Variants in DENND2B observed in about 807,000 individuals in gnomAD.
DENND2B encodes the protein DENN domain containing 2B.
Under a neutral mutation model 116.0 loss-of-function variants are expected in DENND2B, and 32 were observed. That is an observed-to-expected ratio of 0.28 (90% CI 0.21 to 0.37). The LOEUF (loss-of-function observed/expected upper bound fraction) is 0.37, where lower values mean the gene tolerates loss of function less well. Ranked by LOEUF, DENND2B falls within the 10% of genes least tolerant of loss-of-function variation. The probability of loss-of-function intolerance (pLI) is 1.00; values close to 1 mark genes in which losing one functional copy is unlikely to be tolerated. For missense variants in DENND2B, 1,276 were observed against 1,477.7 expected, an observed-to-expected ratio of 0.86 and a Z score of 2.24; for synonymous variants, 588 against 583.9, an observed-to-expected ratio of 1.01 and a Z score of -0.10.
At chr11:8,777,442 T>G (rs1043658350) in intron 1 of DENND2B, among the ~76,000 whole-genome samples, 1 of 152,222 alleles carries the variant, frequency 6.6e-6, no homozygotes, top group Non-Finnish European at 1.5e-5. Context: ...GTCTCACTGC[T>G]TCTAGAAGAT....
rs566906443 is a variant in DENND2B at position 8,719,718 on chromosome 11, G to A, written c.1478-1826C>T. Among the ~76,000 whole-genome samples the A allele has an allele frequency of 3.9e-5, 6 of 152,272 alleles. No homozygotes were observed. The South Asian group carries it at 1.2e-3, about 32-fold the overall frequency. On this transcript the variant is annotated intron_variant, in intron 4 of 19. Transcript: ENST00000313726. ...ATATGCCCTGCAGGAGTGAGGAGGT[G>A]GGGGAACTAAGAAGGGAGAATGCCA...
At chr11:8,700,502 G>A (rs575598536) in intron 14 of DENND2B, among the ~76,000 whole-genome samples, 3 of 152,148 alleles carry the variant, frequency 2.0e-5, no homozygotes, top group Non-Finnish European at 2.9e-5. Context: ...GAAGGCAATC[G>A]GGAGTTCATT....
chr11:8,908,073 T>C (rs1415897300), intron 1 of DENND2B, among the ~76,000 whole-genome samples: 1 of 152,230 alleles, frequency 6.6e-6, no homozygotes, highest in African/African-American at 2.4e-5. Context: ...AAATGGCTAC[T>C]GAACACCCGC....
chr11:8,866,688 A>G (rs1183872471), intron 2 of DENND2B, among the ~76,000 whole-genome samples: 3 of 152,238 alleles, frequency 2.0e-5, no homozygotes, highest in Non-Finnish European at 4.4e-5. Context: ...GAACTAGGAA[A>G]ACTGAGCTCA....
intron 14 of DENND2B, among the ~76,000 whole-genome samples, chr11:8,701,957 ATC>A (rs1230141687): frequency 6.6e-6 from 1 of 151,608 alleles, no homozygotes; most frequent in Non-Finnish European, 1.5e-5. Context: ...CCTGCACATC[ATC>A]TGTTTCCCGG....
intron 6 of DENND2B, among the ~76,000 whole-genome samples, chr11:8,714,993 TG>T (rs1565690539): frequency 6.6e-6 from 1 of 152,136 alleles, no homozygotes; most frequent in Non-Finnish European, 1.5e-5. Flanking sequence ...CTAGACAGGA[TG>T]GTAGCTCCTG....
chr11:8,802,132 C>T (rs1398345704), intron 1 of DENND2B, among the ~76,000 whole-genome samples: 1 of 151,580 alleles, frequency 6.6e-6, no homozygotes, highest in Non-Finnish European at 1.5e-5. Flanking sequence ...GAAACCCCAT[C>T]GATACTAAAA....
intron 2 of DENND2B, among the ~76,000 whole-genome samples, chr11:8,870,009 C>T (rs1211892280): frequency 3.9e-5 from 6 of 152,194 alleles, no homozygotes; most frequent in Admixed American, 3.9e-4. Context: ...GGTTTTAACC[C>T]TGTGGCCCCA....
At chr11:8,729,275 A>G (rs2047668244) in intron 3 of DENND2B, among the ~76,000 whole-genome samples, 1 of 152,182 alleles carries the variant, frequency 6.6e-6, no homozygotes, top group Non-Finnish European at 1.5e-5. Context: ...CAATTCCAAT[A>G]GCTCCAGCTC....
chr11:8,709,246 C>T (rs1453575688), intron 11 of DENND2B, among the ~76,000 whole-genome samples: 2 of 152,230 alleles, frequency 1.3e-5, no homozygotes, highest in Non-Finnish European at 2.9e-5. Flanking sequence ...TCACTCCTGT[C>T]TCTTTCCCTC....
chr11:8,773,357 C>T (rs2057206088), intron 1 of DENND2B, among the ~76,000 whole-genome samples: 1 of 152,192 alleles, frequency 6.6e-6, no homozygotes, highest in Admixed American at 6.5e-5. Context: ...TCCAAGCAAA[C>T]AGGCCTCACC....
At chr11:8,838,240 TA>T (rs1247171156) in intron 4 of DENND2B, among the ~76,000 whole-genome samples, 1 of 152,232 alleles carries the variant, frequency 6.6e-6, no homozygotes, top group Non-Finnish European at 1.5e-5. Context: ...GCTTACTCTT[TA>T]GATTCCTATC....
chr11:8,765,150 C>A (rs1276160375), intron 1 of DENND2B, among the ~76,000 whole-genome samples: 1 of 152,088 alleles, frequency 6.6e-6, no homozygotes, highest in African/African-American at 2.4e-5. Context: ...AGACCCTGGT[C>A]AAACAAAGAC....
intron 1 of DENND2B, among the ~76,000 whole-genome samples, chr11:8,780,319 G>T (rs2058252476): frequency 6.6e-6 from 1 of 152,176 alleles, no homozygotes; most frequent in Non-Finnish European, 1.5e-5. Flanking sequence ...AGTGCCATTA[G>T]AAAGATGAAA....
At chr11:8,742,369 T>C (rs1366823063) in intron 2 of DENND2B, among the ~76,000 whole-genome samples, 3 of 152,132 alleles carry the variant, frequency 2.0e-5, no homozygotes, top group Admixed American at 6.5e-5. Context: ...ATGTCTGGAA[T>C]ATATTTTGGC....
At chr11:8,824,031 T>C (rs2061871283) in intron 4 of DENND2B, among the ~76,000 whole-genome samples, 1 of 151,776 alleles carries the variant, frequency 6.6e-6, no homozygotes, top group Non-Finnish European at 1.5e-5. Flanking sequence ...GGCTCCCCAG[T>C]AGCTGGGACT....
At chr11:8,694,235 T>C (rs1450869163) in intron 19 of DENND2B, 105 bp from the exon 20 acceptor site, 15 of 1,337,928 alleles carry the variant, frequency 1.1e-5, no homozygotes, top group Admixed American at 7.3e-5. Flanking sequence ...GAGGAAGGAT[T>C]AGGAAGACTG....
At chr11:8,719,737 A>G (rs2133858083) in intron 4 of DENND2B, among the ~76,000 whole-genome samples, 1 of 152,280 alleles carries the variant, frequency 6.6e-6, no homozygotes, top group Admixed American at 6.5e-5. Context: ...AAGAAGGGAG[A>G]ATGCCAGGAC....
chr11:8,827,160 C>T (rs954567821), intron 4 of DENND2B, among the ~76,000 whole-genome samples: 1 of 152,230 alleles, frequency 6.6e-6, no homozygotes, highest in Non-Finnish European at 1.5e-5. Flanking sequence ...AGCCTTTATT[C>T]CCTCCCTGTC....
Sources: gnomAD v4.1 joint callset for allele counts (sites outside exome capture counted in the v4.1 genomes callset) on GRCh38, gnomAD v4.1.1 for gene constraint, MANE v1.5 for transcripts, NCBI Gene and HGNC (gene_info 2026-07-23, HGNC 2026-07-21) for gene names.